DCC: variants seen among roughly 807,000 people sequenced by gnomAD.
The protein encoded by DCC is netrin receptor DCC.
DCC carries 58 observed loss-of-function variants against 172.5 expected under a neutral mutation model. The ratio of observed to expected loss-of-function variants is 0.34; its 90% CI spans 0.27 to 0.42. DCC has a LOEUF of 0.42. Ranked by LOEUF, DCC falls within the 10% of genes least tolerant of loss-of-function variation. DCC has a pLI of 1.00. For synonymous variants in DCC, 709 were observed against 644.5 expected, an observed-to-expected ratio of 1.10 and a Z score of -1.52; for missense variants, 1,740 against 1,791.0, an observed-to-expected ratio of 0.97 and a Z score of 0.51.
chr18:52,396,061 A>G (rs1986214926), intron 1 of DCC, among the ~76,000 whole-genome samples: 1 of 152,066 alleles, frequency 6.6e-6, no homozygotes, highest in South Asian at 2.1e-4. Flanking sequence ...GAGGAAGGAA[A>G]AGGGAAACAG....
chr18:53,126,794 G>C (rs1216680345), intron 7 of DCC, among the ~76,000 whole-genome samples: 4 of 152,096 alleles, frequency 2.6e-5, no homozygotes, highest in African/African-American at 9.7e-5. Flanking sequence ...GGTGACATTT[G>C]AGTTGACAGA....
chr18:53,249,026 T>C (rs2056398032), intron 12 of DCC, among the ~76,000 whole-genome samples: 1 of 152,012 alleles, frequency 6.6e-6, no homozygotes, highest in South Asian at 2.1e-4. Flanking sequence ...TGGCACCTTC[T>C]AGAGTTAGTC....
chr18:52,487,324 A>G (rs2030275303), intron 1 of DCC, among the ~76,000 whole-genome samples: 1 of 152,156 alleles, frequency 6.6e-6, no homozygotes, highest in Non-Finnish European at 1.5e-5. Flanking sequence ...GCAATGAGTT[A>G]GGAGGCTGTT....
At chr18:53,028,102 G>A (rs2041981036) in intron 5 of DCC, among the ~76,000 whole-genome samples, 1 of 152,104 alleles carries the variant, frequency 6.6e-6, no homozygotes, top group Admixed American at 6.6e-5. Flanking sequence ...AAAATACACT[G>A]TGTCCAAGTT....
intron 5 of DCC, among the ~76,000 whole-genome samples, chr18:52,993,717 T>C (rs35955517): frequency 0.17 from 26,271 of 152,036 alleles, 2,833 homozygotes; most frequent in African/African-American, 0.31. Flanking sequence ...TTTTCCTGGG[T>C]GCATATTTCT....
intron 1 of DCC, among the ~76,000 whole-genome samples, chr18:52,590,430 C>T (rs1368348044): frequency 6.6e-6 from 1 of 152,240 alleles, no homozygotes; most frequent in East Asian, 1.9e-4. Context: ...GTATAAAAAA[C>T]ATTTTTCTGC....
intron 22 of DCC, among the ~76,000 whole-genome samples, chr18:53,450,186 C>T (rs963121266): frequency 4.0e-5 from 6 of 151,894 alleles, no homozygotes; most frequent in African/African-American, 1.2e-4. Flanking sequence ...TACATACACA[C>T]ACACACACAC....
chr18:52,495,460 C>T (rs188625895), intron 1 of DCC, among the ~76,000 whole-genome samples: 3 of 152,168 alleles, frequency 2.0e-5, no homozygotes, highest in Admixed American at 2.0e-4. Flanking sequence ...AATATCACCC[C>T]AGCTTTATGA....
rs2039031116 is a variant in DCC at position 52,855,013 on chromosome 18, C to A, written c.413-51031C>A. ...AGCAGCCTCTACACTCTGTTGCTGA[C>A]AGTGGAATCAAGAGTTATGTTGCAT... On this transcript the variant is annotated intron_variant, in intron 2 of 28. Coordinates refer to ENST00000442544, the MANE Select transcript of DCC (RefSeq NM_005215.4). Among the ~76,000 whole-genome samples the A allele has an allele frequency of 2.0e-5, 3 of 152,330 alleles. No individual in the cohort carries two copies. The South Asian group carries it at 6.2e-4, about 32-fold the overall frequency.
rs892164591 is a variant in DCC, at chr18:53,431,167, C to T, written c.3164-3977C>T. ...TCCCTCTGTTTTAACTCAGCCAATG[C>T]CCATTTAATATTTATTTAATTTTTG... On this transcript the variant is annotated intron_variant, in intron 21 of 28. Coordinates refer to ENST00000442544, the MANE Select transcript of DCC (RefSeq NM_005215.4). Among the ~76,000 whole-genome samples, 4 of 152,010 alleles carry T rather than the reference C, an allele frequency of 2.6e-5. No homozygotes were observed. The South Asian group carries it at 6.2e-4, about 24-fold the overall frequency.
At chr18:52,706,261 C>A (rs923775924) in intron 1 of DCC, among the ~76,000 whole-genome samples, 5 of 152,204 alleles carry the variant, frequency 3.3e-5, no homozygotes, top group African/African-American at 7.2e-5. Context: ...TTAAGCACAG[C>A]CAGATATTTC....
At chr18:52,825,003 A>G (rs1459571623) in intron 2 of DCC, among the ~76,000 whole-genome samples, 3 of 148,268 alleles carry the variant, frequency 2.0e-5, no homozygotes, top group Non-Finnish European at 3.0e-5. Flanking sequence ...AAGACCAGGG[A>G]TATCTCCCTT....
Position 53,207,798 on chromosome 18 carries a change from A to G in DCC, c.1842A>G (p.Thr614=). ...YGPGVSTDDI[T]VVTLSDVPSA... ...CGGGCGTCTCTACTGATGATATAAC[A>G]GTGGTTACACTTTCTGACGGTAAGT... is the stretch of plus-strand genomic sequence containing the variant. Residue 614 remains threonine, a synonymous_variant, in exon 11 of 29, where the codon ACA becomes ACG. Coordinates refer to ENST00000442544, the MANE Select transcript of DCC (RefSeq NM_005215.4). 6.2e-7 allele frequency: 1 copy of G among 1,612,870 alleles called. No homozygotes were observed. Among genetic ancestry groups the G allele is most frequent in the Non-Finnish European group, 8.5e-7 (1 of 1,178,884 alleles).
At chr18:52,888,941 G>A (rs2039607847) in intron 2 of DCC, among the ~76,000 whole-genome samples, 1 of 151,652 alleles carries the variant, frequency 6.6e-6, no homozygotes, top group East Asian at 1.9e-4. Flanking sequence ...ATACATACAA[G>A]CACATGTATG....
chr18:52,447,180 C>T (rs1988152039), intron 1 of DCC, among the ~76,000 whole-genome samples: 1 of 152,144 alleles, frequency 6.6e-6, no homozygotes, highest in African/African-American at 2.4e-5. Context: ...AATATGGCAC[C>T]TTCATGATAA....
chr18:53,376,631 G>T (rs1389008105), intron 15 of DCC, among the ~76,000 whole-genome samples: 2 of 152,002 alleles, frequency 1.3e-5, no homozygotes, highest in African/African-American at 4.8e-5. Flanking sequence ...TACACGTGCT[G>T]CTTTCCTGAG....
intron 2 of DCC, chr18:52,816,796 TTTA>T (rs2038308262): frequency 6.6e-6 from 1 of 152,192 alleles, no homozygotes; most frequent in Non-Finnish European, 1.5e-5. Context: ...AAAAGCATCT[TTTA>T]TTTTTATATG....
At chr18:53,044,848 A>G (rs1420229377) in intron 5 of DCC, among the ~76,000 whole-genome samples, 2 of 151,846 alleles carry the variant, frequency 1.3e-5, no homozygotes, top group Non-Finnish European at 2.9e-5. Flanking sequence ...ATTTTTGTTA[A>G]AGGCATGTCA....
At chr18:52,845,163 T>C (rs1272515777) in intron 2 of DCC, among the ~76,000 whole-genome samples, 1 of 152,142 alleles carries the variant, frequency 6.6e-6, no homozygotes, top group Non-Finnish European at 1.5e-5. Flanking sequence ...AAAGCAGCCC[T>C]TAGGAGAGAT....
Sources: allele counts gnomAD v4.1 joint callset (sites outside exome capture counted in the v4.1 genomes callset), GRCh38; gene constraint gnomAD v4.1.1; transcripts MANE v1.5; gene names NCBI Gene and HGNC (gene_info 2026-07-23, HGNC 2026-07-21).